Variants in DCC observed in about 807,000 individuals in gnomAD.
DCC encodes netrin receptor DCC.
A neutral mutation model predicts 172.5 loss-of-function variants in DCC; 58 were observed. The ratio of observed to expected loss-of-function variants is 0.34; its 90% CI spans 0.27 to 0.42. DCC has a LOEUF of 0.42. Among genes scored for constraint, DCC ranks in the 10% least tolerant of loss-of-function variants. The pLI is 1.00. For missense variants in DCC, 1,740 were observed against 1,791.0 expected (o/e 0.97, Z 0.51); for synonymous variants, 709 against 644.5 (o/e 1.10, Z -1.52).
intron 1 of DCC, among the ~76,000 whole-genome samples, chr18:52,547,540 A>G (rs2032650301): frequency 6.6e-6 from 1 of 152,170 alleles, no homozygotes; most frequent in Non-Finnish European, 1.5e-5. Context: ...GTTAATGTGA[A>G]CAAAGCCAGT....
intron 1 of DCC, among the ~76,000 whole-genome samples, chr18:52,349,798 A>G (rs1335653102): frequency 6.6e-6 from 1 of 152,160 alleles, no homozygotes; most frequent in Non-Finnish European, 1.5e-5. Flanking sequence ...GATTATAAAT[A>G]TTTAATTCAT....
In DCC at chr18:53,364,847, T is replaced by G. The variant is rs574794483; in HGVS notation, c.2360-21196T>G. On this transcript the variant is annotated intron_variant, in intron 15 of 28. Coordinates refer to ENST00000442544, the MANE Select transcript of DCC (RefSeq NM_005215.4). Reference sequence around the variant, plus strand: ...CATCCCACAAATGTACATGTGCACATGTGCACACATGCACACATACATACA... The same window carrying G: ...CATCCCACAAATGTACATGTGCACAGGTGCACACATGCACACATACATACA... 4.6e-5 allele frequency among the ~76,000 whole-genome samples: 7 copies of G among 152,234 alleles called. No individual in the cohort carries two copies. In the East Asian group the frequency reaches 1.4e-3, roughly 29 times the overall value.
chr18:53,122,242 T>C (rs575359637), intron 7 of DCC, among the ~76,000 whole-genome samples: 2 of 152,132 alleles, frequency 1.3e-5, no homozygotes, highest in East Asian at 3.9e-4. Flanking sequence ...TGATGCTCAG[T>C]GCTAATTTTA....
chr18:53,401,283 CT>C (rs869120051), intron 18 of DCC, among the ~76,000 whole-genome samples: 1 of 90,352 alleles, frequency 1.1e-5, no homozygotes, highest in African/African-American at 3.1e-5. Flanking sequence ...ATGTTTTCTT[CT>C]CCTTCATTCC....
chr18:52,414,280 C>T (rs1986942174), intron 1 of DCC, among the ~76,000 whole-genome samples: 1 of 152,076 alleles, frequency 6.6e-6, no homozygotes, highest in African/African-American at 2.4e-5. Context: ...GACAGTGTTT[C>T]ACCATGTTGG....
intron 5 of DCC, among the ~76,000 whole-genome samples, chr18:53,006,943 G>A (rs1354462387): frequency 6.6e-6 from 1 of 152,152 alleles, no homozygotes; most frequent in Non-Finnish European, 1.5e-5. Context: ...TTGCTTTATA[G>A]CATGTGTTGT....
chr18:52,814,998 GAAATC>G (rs1175056162), intron 2 of DCC, among the ~76,000 whole-genome samples: 1 of 151,986 alleles, frequency 6.6e-6, no homozygotes, highest in African/African-American at 2.4e-5. Context: ...TGGATGGAGA[GAAATC>G]AAATATAACT....
At chr18:53,508,611 G>A (rs956468676) in intron 27 of DCC, among the ~76,000 whole-genome samples, 4 of 152,230 alleles carry the variant, frequency 2.6e-5, no homozygotes, top group East Asian at 1.9e-4. Flanking sequence ...TTTTGGCTAC[G>A]CTCTGAGTGG....
At chr18:53,011,010 C>T (rs1018886759) in intron 5 of DCC, among the ~76,000 whole-genome samples, 6 of 151,174 alleles carry the variant, frequency 4.0e-5, no homozygotes, top group African/African-American at 1.2e-4. Context: ...GTAGCACTTA[C>T]ATTACAAATG....
At chr18:53,260,084 T>C (rs2056576064) in intron 12 of DCC, among the ~76,000 whole-genome samples, 2 of 152,168 alleles carry the variant, frequency 1.3e-5, no homozygotes, top group South Asian at 4.2e-4. Flanking sequence ...CTGCATTGGT[T>C]ATTCTAGTTA....
intron 1 of DCC, among the ~76,000 whole-genome samples, chr18:52,604,728 G>A (rs2034096013): frequency 6.6e-6 from 1 of 152,100 alleles, no homozygotes. Context: ...ATAGTGCAAG[G>A]CAAAGGAGAA....
intron 7 of DCC, among the ~76,000 whole-genome samples, chr18:53,120,324 A>G (rs569828728): frequency 6.6e-6 from 1 of 151,928 alleles, no homozygotes; most frequent in Admixed American, 6.6e-5. Context: ...TAAATTTAGA[A>G]TATAACCTTA....
intron 1 of DCC, among the ~76,000 whole-genome samples, chr18:52,368,571 A>G (rs1166307947): frequency 6.6e-6 from 1 of 152,180 alleles, no homozygotes; most frequent in Non-Finnish European, 1.5e-5. Flanking sequence ...TACATTATCA[A>G]GTCAGAGTTG....
At chr18:53,436,824 T>G (rs1911972267) in intron 22 of DCC, among the ~76,000 whole-genome samples, 1 of 152,096 alleles carries the variant, frequency 6.6e-6, no homozygotes, top group Non-Finnish European at 1.5e-5. Flanking sequence ...GCTCACAGTT[T>G]TGGATGCTAG....
chr18:53,066,728 G>C (rs1474219854), intron 7 of DCC, among the ~76,000 whole-genome samples: 1 of 151,782 alleles, frequency 6.6e-6, no homozygotes, highest in Non-Finnish European at 1.5e-5. Context: ...TAGTGTATTA[G>C]TCTGTTCTCC....
intron 1 of DCC, among the ~76,000 whole-genome samples, chr18:52,418,318 CT>C (rs1987118664): frequency 6.6e-6 from 1 of 152,074 alleles, no homozygotes; most frequent in South Asian, 2.1e-4. Flanking sequence ...GCCATGTAAT[CT>C]CATACATGAA....
At chr18:53,173,513 G>C (rs954579758) in intron 8 of DCC, among the ~76,000 whole-genome samples, 3 of 152,024 alleles carry the variant, frequency 2.0e-5, no homozygotes, top group Non-Finnish European at 4.4e-5. Flanking sequence ...AATTAAAAAA[G>C]GCAGGGGTTG....
chr18:53,402,833 A>T lies in DCC; in HGVS notation c.2875A>T (p.Lys959Ter), dbSNP rs374200430. The T allele has an allele frequency of 6.2e-7, 1 of 1,613,964 alleles. No homozygotes were observed. ...KDLTVITREG[K>*]PRAVIVSWQP... ...CTTGACAGTCATTACTAGGGAAGGGAAGCCTCGTGCCGTCATTGTGAGTTG... is the reference window on the plus strand; with the variant it reads ...CTTGACAGTCATTACTAGGGAAGGGTAGCCTCGTGCCGTCATTGTGAGTTG... Residue 959 changes from lysine to a stop codon, truncating the protein, a stop_gained, in exon 19 of 29, where the codon AAG (lysine) becomes TAG (stop). Coordinates refer to ENST00000442544, the MANE Select transcript of DCC (RefSeq NM_005215.4). LOFTEE classifies it high-confidence loss of function.
At chr18:53,088,501 G>T (rs1441869553) in intron 7 of DCC, among the ~76,000 whole-genome samples, 2 of 152,064 alleles carry the variant, frequency 1.3e-5, no homozygotes, top group African/African-American at 4.8e-5. Flanking sequence ...AGGAGATTTG[G>T]GGCTGAGACA....
Sources: allele counts gnomAD v4.1 joint callset (sites outside exome capture counted in the v4.1 genomes callset), GRCh38; gene constraint gnomAD v4.1.1; transcripts MANE v1.5; gene names NCBI Gene and HGNC (gene_info 2026-07-23, HGNC 2026-07-21).